The following HPSE2 variants were observed in gnomAD, a reference collection of about 807,000 sequenced individuals.
HPSE2 encodes inactive heparanase-2.
In HPSE2, 38 loss-of-function variants were observed where a neutral mutation model predicts 60.5. That is an observed-to-expected ratio of 0.63 (90% confidence interval 0.48 to 0.82). The LOEUF is 0.82. HPSE2 is among the 40% of genes least tolerant of loss of function. The pLI is 0.00. For missense variants in HPSE2, 713 were observed against 740.4 expected (o/e 0.96, Z 0.43); for synonymous variants, 295 against 293.2 (o/e 1.01, Z -0.06).
At chr10:98,743,216 C>T (rs1367373637) in intron 4 of HPSE2, among the ~76,000 whole-genome samples, 1 of 152,054 alleles carries the variant, frequency 6.6e-6, no homozygotes, top group Non-Finnish European at 1.5e-5. Flanking sequence ...CGTGATCCGC[C>T]TACCTAGGCC....
chr10:98,599,280 C>T (rs1441339377), intron 9 of HPSE2, among the ~76,000 whole-genome samples: 5 of 152,094 alleles, frequency 3.3e-5, no homozygotes, highest in African/African-American at 9.7e-5. Flanking sequence ...TGGTGCTAGA[C>T]GGGTCTAGAG....
Position 98,693,966 on chromosome 10 carries a change from A to C in HPSE2, c.957-19T>G, listed in dbSNP as rs1373841413. The C allele has an allele frequency of 6.3e-7, 1 of 1,580,932 alleles. No homozygotes were observed. The highest frequency in any genetic ancestry group is 1.7e-5 in the Admixed American group (1 of 58,010). ...CATGAATCTGTAAGGAATAGAAAGA[A>C]AAAAGATATTACAACTTAGATTAAA... On this transcript the variant is annotated intron_variant, in intron 5 of 11. Transcript: ENST00000370552.
At chr10:98,722,254 T>G (rs1435302242) in intron 4 of HPSE2, among the ~76,000 whole-genome samples, 1 of 149,250 alleles carries the variant, frequency 6.7e-6, no homozygotes, top group African/African-American at 2.5e-5. Context: ...GACTTCTGTC[T>G]TTATAAGAGA....
At chr10:99,028,133 A>G (rs1957419304) in intron 3 of HPSE2, among the ~76,000 whole-genome samples, 1 of 152,210 alleles carries the variant, frequency 6.6e-6, no homozygotes, top group South Asian at 2.1e-4. Context: ...TAAACATAGT[A>G]CTGGAAGTCC....
At chr10:99,315,624 G>C in the HPSE2 span, among the ~76,000 whole-genome samples, 271 of 152,266 alleles carry the variant, frequency 1.8e-3, 1 homozygote, top group African/African-American at 6.1e-3. Flanking sequence ...TACACAAAAA[G>C]CTTGCAGATT....
chr10:98,565,052 T>C lies in HPSE2; in HGVS notation c.1320+49852A>G, dbSNP rs76531535. 5.9e-5 allele frequency among the ~76,000 whole-genome samples: 9 copies of C among 151,382 alleles called. No homozygotes were observed. In the East Asian group the frequency reaches 1.7e-3, roughly 29 times the overall value. The stretch of plus-strand genomic sequence containing the variant: ...AGCAGAAAAGAACAACTGGTTCCCA[T>C]GGTCTACATAACAACCTTATATTCT... On this transcript the variant is annotated intron_variant, in intron 9 of 11. Transcript: ENST00000370552.
chr10:99,258,133 T>C, the HPSE2 span, among the ~76,000 whole-genome samples: 2 of 151,402 alleles, frequency 1.3e-5, no homozygotes, highest in African/African-American at 4.9e-5. Flanking sequence ...GGAGCCAGAC[T>C]GCATCTCAAA....
chr10:98,801,974 C>T (rs2484937), intron 3 of HPSE2, among the ~76,000 whole-genome samples: 19 of 152,062 alleles, frequency 1.2e-4, no homozygotes, highest in South Asian at 4.1e-4. Context: ...AATATAGCAC[C>T]GTACTGGCTT....
At chr10:98,464,287 C>G (rs17109933) in intron 11 of HPSE2, among the ~76,000 whole-genome samples, 307 of 152,214 alleles carry the variant, frequency 2.0e-3, no homozygotes, top group African/African-American at 7.0e-3. Flanking sequence ...AGGACAATTA[C>G]TATAATGTGG....
chr10:98,840,567 T>C (rs1270605577), intron 3 of HPSE2, among the ~76,000 whole-genome samples: 1 of 152,140 alleles, frequency 6.6e-6, no homozygotes, highest in Non-Finnish European at 1.5e-5. Context: ...AAAGCAGAGA[T>C]AGACTCCGCA....
intron 3 of HPSE2, among the ~76,000 whole-genome samples, chr10:98,954,348 G>A (rs1955449955): frequency 6.6e-6 from 1 of 152,042 alleles, no homozygotes; most frequent in Admixed American, 6.6e-5. Context: ...ACTAAGTTTG[G>A]GGAAGGCTGT....
chr10:98,634,186 A>G (rs993424657), intron 7 of HPSE2, among the ~76,000 whole-genome samples: 1 of 152,192 alleles, frequency 6.6e-6, no homozygotes, highest in Non-Finnish European at 1.5e-5. Context: ...TGTGAATGAG[A>G]TAAGACATTA....
At position 98,760,058 on chromosome 10, in the gene HPSE2, TA is replaced by T. The variant is rs555758084; in HGVS notation, c.611-16003del. 2.9e-3 allele frequency among the ~76,000 whole-genome samples: 441 copies of T among 152,140 alleles called. 4 individuals carry two copies. The highest frequency in any genetic ancestry group is 0.01 in the African/African-American group (420 of 41,562). On this transcript the variant is annotated intron_variant, in intron 3 of 11. Transcript: ENST00000370552. ...TTCTGATGCTATTGTAATGGGGTTT[TA>T]AAAAATATCATTTTCAGATAGCTTG... is the stretch of plus-strand genomic sequence containing the variant.
chr10:99,268,812 G>A, the HPSE2 span, among the ~76,000 whole-genome samples: 1 of 152,038 alleles, frequency 6.6e-6, no homozygotes, highest in Non-Finnish European at 1.5e-5. Flanking sequence ...AACATTGAAG[G>A]TAAATGGCCT....
At chr10:98,835,776 C>A (rs1332678421) in intron 3 of HPSE2, among the ~76,000 whole-genome samples, 1 of 152,138 alleles carries the variant, frequency 6.6e-6, no homozygotes, top group East Asian at 1.9e-4. Flanking sequence ...AGCTATATGC[C>A]TCTCAAGTTC....
intron 2 of HPSE2, among the ~76,000 whole-genome samples, chr10:99,184,277 C>T (rs1847886914): frequency 6.6e-6 from 1 of 151,950 alleles, no homozygotes; most frequent in African/African-American, 2.4e-5. Context: ...GTAATCTCAG[C>T]ACTTTGGGAG....
the HPSE2 span, among the ~76,000 whole-genome samples, chr10:99,286,904 C>A: frequency 5.9e-5 from 9 of 152,088 alleles, no homozygotes; most frequent in African/African-American, 1.7e-4. Flanking sequence ...TTTATCATCC[C>A]ATTTTTTGAA....
At position 98,844,060 on chromosome 10, in the gene HPSE2, C is replaced by T. The variant is rs191375413; in HGVS notation, c.611-100004G>A. Among the ~76,000 whole-genome samples the T allele has an allele frequency of 2.9e-4, 44 of 152,232 alleles. 1 individual carries two copies. Among genetic ancestry groups the T allele is most frequent in the Admixed American group, 9.2e-4 (14 of 15,286 alleles). On this transcript the variant is annotated intron_variant, in intron 3 of 11. Transcript: ENST00000370552. The stretch of plus-strand genomic sequence containing the variant: ...TGGCAGGGGGCTTATTTATATGAAG[C>T]AATATTGAACGTGATTCTACTTCTA...
intron 3 of HPSE2, among the ~76,000 whole-genome samples, chr10:98,944,449 T>A (rs903187359): frequency 1.3e-5 from 2 of 152,164 alleles, no homozygotes; most frequent in African/African-American, 2.4e-5. Context: ...TGCACAATGC[T>A]AGAGGTGGTA....
Sources: allele counts gnomAD v4.1 joint callset (sites outside exome capture counted in the v4.1 genomes callset), GRCh38; gene constraint gnomAD v4.1.1; transcripts MANE v1.5; gene names NCBI Gene and HGNC (gene_info 2026-07-23, HGNC 2026-07-21).